Variants in SORCS1 observed in about 807,000 individuals in gnomAD.
SORCS1 encodes VPS10 domain-containing receptor SorCS1.
In SORCS1, 60 loss-of-function variants were observed where a neutral mutation model predicts 146.1. The ratio of observed to expected loss-of-function variants is 0.41; its 90% confidence interval spans 0.33 to 0.51. The LOEUF is 0.51. SORCS1 is among the 20% of genes least tolerant of loss of function. The probability of loss-of-function intolerance (pLI) is 0.21; values close to 1 mark genes in which losing one functional copy is unlikely to be tolerated. For missense variants in SORCS1, 1,352 were observed against 1,487.6 expected (o/e 0.91, Z 1.50); for synonymous variants, 637 against 584.0 (o/e 1.09, Z -1.31).
intron 1 of SORCS1, among the ~76,000 whole-genome samples, chr10:107,087,286 T>C (rs1434426604): frequency 1.3e-5 from 2 of 152,148 alleles, no homozygotes; most frequent in Non-Finnish European, 2.9e-5. Flanking sequence ...ATCCTTCTTT[T>C]TTTTTTCCTG....
At chr10:106,692,709 A>T (rs1173085731) in intron 9 of SORCS1, among the ~76,000 whole-genome samples, 1 of 152,178 alleles carries the variant, frequency 6.6e-6, no homozygotes, top group Non-Finnish European at 1.5e-5. Flanking sequence ...GAACATCCCT[A>T]ATCCAGAAAT....
intron 1 of SORCS1, among the ~76,000 whole-genome samples, chr10:106,980,695 T>C (rs1956215832): frequency 6.6e-6 from 1 of 152,188 alleles, no homozygotes; most frequent in Non-Finnish European, 1.5e-5. Flanking sequence ...TATACATATT[T>C]CCTCTTTTCC....
intron 6 of SORCS1, among the ~76,000 whole-genome samples, chr10:106,712,780 C>G (rs1855091130): frequency 6.6e-6 from 1 of 152,058 alleles, no homozygotes; most frequent in Non-Finnish European, 1.5e-5. Context: ...TTAAATATTC[C>G]AGTTATATTT....
At chr10:106,755,915 G>A (rs2072671039) in intron 5 of SORCS1, among the ~76,000 whole-genome samples, 2 of 152,074 alleles carry the variant, frequency 1.3e-5, no homozygotes. Context: ...GATTGCCTGA[G>A]CTCAGGAGTT....
chr10:107,151,755 G>T (rs1968818554), intron 1 of SORCS1, among the ~76,000 whole-genome samples: 1 of 152,188 alleles, frequency 6.6e-6, no homozygotes, highest in East Asian at 1.9e-4. Flanking sequence ...CTAGACATCT[G>T]TGAAACTTTG....
intron 2 of SORCS1, among the ~76,000 whole-genome samples, chr10:106,917,768 C>A (rs1228332780): frequency 6.6e-6 from 1 of 152,182 alleles, no homozygotes; most frequent in Non-Finnish European, 1.5e-5. Context: ...GGTGGCTTGG[C>A]AATCTCTGGG....
At chr10:106,815,870 G>A (rs1055181821) in intron 3 of SORCS1, among the ~76,000 whole-genome samples, 8 of 152,342 alleles carry the variant, frequency 5.3e-5, no homozygotes, top group Middle Eastern at 3.4e-3. Flanking sequence ...GTGGGAGGAA[G>A]AGGCTACTTC....
At chr10:106,731,359 C>T (rs1856588330) in intron 5 of SORCS1, among the ~76,000 whole-genome samples, 1 of 151,028 alleles carries the variant, frequency 6.6e-6, no homozygotes, top group East Asian at 1.9e-4. Context: ...GTATCCACGA[C>T]CCTGCACAGA....
At chr10:106,857,363 G>A (rs906443155) in intron 2 of SORCS1, among the ~76,000 whole-genome samples, 2 of 152,188 alleles carry the variant, frequency 1.3e-5, no homozygotes, top group Non-Finnish European at 2.9e-5. Context: ...ACAAAGCAAA[G>A]ACTCAGGCTA....
At chr10:106,787,108 T>C (rs956455229) in intron 3 of SORCS1, among the ~76,000 whole-genome samples, 7 of 152,182 alleles carry the variant, frequency 4.6e-5, no homozygotes, top group African/African-American at 1.7e-4. Context: ...TAAGCAACTC[T>C]CTAATAAAAG....
intron 24 of SORCS1, among the ~76,000 whole-genome samples, chr10:106,594,577 G>A (rs970973725): frequency 2.2e-4 from 34 of 152,180 alleles, no homozygotes; most frequent in African/African-American, 8.0e-4. Flanking sequence ...AAATGTGAAT[G>A]GCCTCCAGAA....
chr10:107,174,944 T>C, the SORCS1 span, among the ~76,000 whole-genome samples: 1 of 152,330 alleles, frequency 6.6e-6, no homozygotes, highest in Admixed American at 6.5e-5. Context: ...ATATTAATTT[T>C]TTAAATTCCT....
intron 14 of SORCS1, 112 bp from the exon 15 acceptor site, chr10:106,673,097 A>C: frequency 1.3e-6 from 1 of 750,190 alleles, no homozygotes; most frequent in Non-Finnish European, 2.2e-6. Flanking sequence ...TACATGAATC[A>C]TATCATTTAA....
chr10:106,813,036 A>C (rs1193462645), intron 3 of SORCS1, among the ~76,000 whole-genome samples: 1 of 152,152 alleles, frequency 6.6e-6, no homozygotes, highest in African/African-American at 2.4e-5. Context: ...TCCTTGCACC[A>C]AACATCAGCG....
At chr10:106,887,769 G>A (rs556243081) in intron 2 of SORCS1, among the ~76,000 whole-genome samples, 2 of 152,194 alleles carry the variant, frequency 1.3e-5, no homozygotes, top group Admixed American at 6.5e-5. Flanking sequence ...GCTTTCTTAA[G>A]CTACATTCTG....
intron 1 of SORCS1, among the ~76,000 whole-genome samples, chr10:107,019,792 T>C (rs2133860997): frequency 6.6e-6 from 1 of 152,338 alleles, no homozygotes. Flanking sequence ...CTGAGCCCAT[T>C]GGGGCATGAC....
chr10:107,006,766 G>A (rs1433389287), intron 1 of SORCS1, among the ~76,000 whole-genome samples: 3 of 152,326 alleles, frequency 2.0e-5, no homozygotes, highest in East Asian at 1.9e-4. Flanking sequence ...GCAGTGAGCC[G>A]AGATTGTGCC....
chr10:106,805,394 C>G (rs1947112807), intron 3 of SORCS1, among the ~76,000 whole-genome samples: 1 of 152,156 alleles, frequency 6.6e-6, no homozygotes, highest in African/African-American at 2.4e-5. Context: ...CCAGCAGCTG[C>G]AAACTACTAC....
chr10:106,597,836 C>A (rs1845996334), intron 23 of SORCS1, among the ~76,000 whole-genome samples: 1 of 152,106 alleles, frequency 6.6e-6, no homozygotes, highest in Admixed American at 6.6e-5. Flanking sequence ...ATTTTACTTC[C>A]ATTCTATTTC....
Sources: allele counts gnomAD v4.1 joint callset (sites outside exome capture counted in the v4.1 genomes callset), GRCh38; gene constraint gnomAD v4.1.1; transcripts MANE v1.5; gene names NCBI Gene and HGNC (gene_info 2026-07-23, HGNC 2026-07-21).